Variants in SPTLC1 observed in about 807,000 individuals in gnomAD.
SPTLC1 encodes serine palmitoyltransferase long chain base subunit 1.
In SPTLC1, 55 loss-of-function variants were observed where a neutral mutation model predicts 68.9. The ratio of observed to expected loss-of-function variants is 0.80; its 90% CI spans 0.64 to 1.00. SPTLC1 has a LOEUF of 1.00. Among genes scored for constraint, SPTLC1 ranks in the 50% least tolerant of loss-of-function variants. SPTLC1 has a pLI of 0.00. For synonymous variants in SPTLC1, 197 were observed against 201.6 expected, an observed-to-expected ratio of 0.98 and a Z score of 0.19; for missense variants, 449 against 573.1, an observed-to-expected ratio of 0.78 and a Z score of 2.21.
At chr9:92,051,369 A>C (rs552343500) in intron 8 of SPTLC1, 2 of 616,346 alleles carry the variant, frequency 3.2e-6, no homozygotes, top group Non-Finnish European at 2.0e-6. Flanking sequence ...AGGGGGAAAA[A>C]CCCCACATGA....
intron 5 of SPTLC1, among the ~76,000 whole-genome samples, chr9:92,076,379 C>T (rs1335958689): frequency 6.6e-6 from 1 of 152,194 alleles, no homozygotes; most frequent in Non-Finnish European, 1.5e-5. Context: ...AAACAGCAAA[C>T]TCCCCAGTAT....
At chr9:92,096,933 G>A (rs184620262) in intron 3 of SPTLC1, among the ~76,000 whole-genome samples, 74 of 152,112 alleles carry the variant, frequency 4.9e-4, no homozygotes, top group African/African-American at 1.7e-3. Context: ...TATCTGACAA[G>A]GGACTAGGAT....
At chr9:92,097,136 T>G (rs1247904252) in intron 3 of SPTLC1, among the ~76,000 whole-genome samples, 3 of 152,196 alleles carry the variant, frequency 2.0e-5, no homozygotes, top group African/African-American at 7.2e-5. Flanking sequence ...TCCCACCTAC[T>G]AGGATGGCTA....
intron 3 of SPTLC1, among the ~76,000 whole-genome samples, chr9:92,087,227 C>G (rs1320063191): frequency 6.6e-6 from 1 of 151,424 alleles, no homozygotes; most frequent in Non-Finnish European, 1.5e-5. Context: ...TCGTCTGAAG[C>G]CTTCTTCTCT....
At chr9:92,035,867 A>C (rs982828580) in intron 13 of SPTLC1, among the ~76,000 whole-genome samples, 2 of 152,168 alleles carry the variant, frequency 1.3e-5, no homozygotes, top group Admixed American at 6.5e-5. Context: ...GGAAAAGTGA[A>C]CTCCTGCAAA....
chr9:92,114,160 C>T (rs1276577272), intron 1 of SPTLC1, among the ~76,000 whole-genome samples: 1 of 151,824 alleles, frequency 6.6e-6, no homozygotes, highest in Admixed American at 6.6e-5. Context: ...GTCCCAGCTA[C>T]TCGGGAGTCT....
At chr9:92,042,503 C>T (rs1202383076) in intron 12 of SPTLC1, among the ~76,000 whole-genome samples, 1 of 152,114 alleles carries the variant, frequency 6.6e-6, no homozygotes, top group Non-Finnish European at 1.5e-5. Context: ...GAAAAGACAA[C>T]CCCATTCATA....
At chr9:92,108,527 G>A (rs1836090749) in intron 3 of SPTLC1, 2 of 570,958 alleles carry the variant, frequency 3.5e-6, no homozygotes, top group African/African-American at 1.9e-5. Flanking sequence ...GGAAAAAAGG[G>A]CAAACATTAA....
intron 5 of SPTLC1, chr9:92,079,752 C>T: frequency 6.0e-6 from 4 of 670,766 alleles, no homozygotes; most frequent in East Asian, 2.7e-5. Context: ...AGTACTGCTG[C>T]TCTGCACTCG....
intron 13 of SPTLC1, among the ~76,000 whole-genome samples, chr9:92,035,770 C>T (rs1025390660): frequency 2.6e-5 from 4 of 152,186 alleles, no homozygotes; most frequent in African/African-American, 7.2e-5. Flanking sequence ...AGAGGGGTCA[C>T]GTCGTAGGCT....
intron 2 of SPTLC1, chr9:92,110,399 C>T (rs1836186467): frequency 6.6e-6 from 1 of 152,150 alleles, no homozygotes; most frequent in African/African-American, 2.4e-5. Context: ...CTGCCATGAG[C>T]CCTTCAAACA....
intron 8 of SPTLC1, among the ~76,000 whole-genome samples, chr9:92,052,146 T>G (rs1431570812): frequency 1.3e-5 from 2 of 152,180 alleles, no homozygotes; most frequent in African/African-American, 4.8e-5. Flanking sequence ...AAAATAATTT[T>G]GAAAAAGAAC....
intron 6 of SPTLC1, among the ~76,000 whole-genome samples, chr9:92,066,063 ACTG>A (rs1834268434): frequency 6.6e-6 from 1 of 152,220 alleles, no homozygotes; most frequent in Admixed American, 6.5e-5. Context: ...TTACTGAACT[ACTG>A]TTTATTGACC....
intron 8 of SPTLC1, among the ~76,000 whole-genome samples, chr9:92,053,460 A>T (rs1196810395): frequency 6.6e-6 from 1 of 152,270 alleles, no homozygotes; most frequent in African/African-American, 2.4e-5. Flanking sequence ...ATACCTGTAC[A>T]CAAATGTTCA....
At position 92,055,461 on chromosome 9, in the gene SPTLC1, T is replaced by A; in HGVS notation, c.724A>T (p.Ile242Phe). 6.2e-7 allele frequency: 1 copy of A among 1,613,818 alleles called. No homozygotes were observed. The highest frequency in any genetic ancestry group is 8.5e-7 in the Non-Finnish European group (1 of 1,179,972). ...TTCATATACAATCCTTCTACTACAA[T>A]GAAACGCCGAGTTACACGAGCCTTG... ...PRKARVTRRFIVVEGLYMNTG... is the reference protein window; with the variant it reads ...PRKARVTRRFFVVEGLYMNTG... The change falls in exon 8 of 15, where the codon ATT (isoleucine) becomes TTT (phenylalanine). Residue 242 changes from isoleucine (I) to phenylalanine (F), a missense_variant. Ile to Phe is a conservative substitution (Grantham distance 21). This residue lies in a region of SPTLC1 where 391 missense variants were observed against 472.1 expected (regional missense o/e 0.83). Transcript: ENST00000262554.
Position 92,031,275 on chromosome 9 carries a change from T to C in SPTLC1, c.*1190A>G, listed in dbSNP as rs1052244270. The C allele has an allele frequency of 1.0e-4, 16 of 152,624 alleles. No individual in the cohort carries two copies. The highest frequency in any genetic ancestry group is 2.6e-4 in the African/African-American group (11 of 41,538). The allele number at this position is 152,624 out of a possible 1,614,324, so 9.5% of individuals were successfully genotyped here. ...TATGTACAAAATACCTCAAGCAAAA[T>C]AGAAACTGAACATTCAAAAAGTATG... On this transcript the variant is annotated 3_prime_UTR_variant, in exon 15 of 15. Coordinates refer to ENST00000262554, the MANE Select transcript of SPTLC1 (RefSeq NM_006415.4).
chr9:92,055,143 T>C (rs911907251), intron 8 of SPTLC1: 1 of 789,266 alleles, frequency 1.3e-6, no homozygotes, highest in African/African-American at 1.9e-5. Flanking sequence ...GAAGGATCAC[T>C]TGAGCCCAGG....
In SPTLC1 at chr9:92,104,315, C is replaced by T. The variant is rs1319750834; in HGVS notation, c.260+4425G>A. 5.6e-5 allele frequency: 78 copies of T among 1,386,350 alleles called. No individual in the cohort carries two copies. The Middle Eastern group carries it at 7.7e-4, about 14-fold the overall frequency. 85.9% of individuals were successfully genotyped at this position (1,386,350 alleles called of 1,614,324 possible). ...TTCCCAGCTGGCCGGGCTCACCCCG[C>T]GGCTCCTGCACCTGTGCCTGCCCCG... On this transcript the variant is annotated intron_variant, in intron 3 of 14. Coordinates refer to ENST00000262554, the MANE Select transcript of SPTLC1 (RefSeq NM_006415.4).
chr9:92,103,286 CTGCCCTA>C (rs1835824137), intron 3 of SPTLC1, among the ~76,000 whole-genome samples: 3 of 152,228 alleles, frequency 2.0e-5, no homozygotes, highest in Admixed American at 2.0e-4. Context: ...CTGGTAGTTC[CTGCCCTA>C]CATCTTTGTA....
Sources: gnomAD v4.1 joint callset for allele counts (sites outside exome capture counted in the v4.1 genomes callset) on GRCh38, gnomAD v4.1.1 for gene constraint, gnomAD v4.1.1 regional missense constraint, MANE v1.5 for transcripts, NCBI Gene and HGNC (gene_info 2026-07-23, HGNC 2026-07-21) for gene names.